The following CTNNA3 variants were observed in gnomAD, a reference collection of about 807,000 sequenced individuals.
CTNNA3 encodes the protein catenin alpha 3.
A neutral mutation model predicts 95.7 loss-of-function variants in CTNNA3; 76 were observed. The ratio of observed to expected loss-of-function variants is 0.79; its 90% CI spans 0.66 to 0.96. CTNNA3 has a LOEUF of 0.96. CTNNA3 is among the 40% of genes least tolerant of loss of function. The pLI is 0.00. For synonymous variants in CTNNA3, 431 were observed against 374.4 expected, an observed-to-expected ratio of 1.15 and a Z score of -1.74; for missense variants, 1,191 against 1,089.8, an observed-to-expected ratio of 1.09 and a Z score of -1.31.
At chr10:66,702,566 C>T (rs1847980884) in intron 9 of CTNNA3, among the ~76,000 whole-genome samples, 1 of 151,650 alleles carries the variant, frequency 6.6e-6, no homozygotes, top group South Asian at 2.1e-4. Context: ...ATTAGCCGGG[C>T]ATGGTGGTGG....
chr10:66,104,886 T>C (rs570659386), intron 13 of CTNNA3, among the ~76,000 whole-genome samples: 99 of 152,318 alleles, frequency 6.5e-4, no homozygotes, highest in Non-Finnish European at 9.9e-4. Flanking sequence ...CTTTCATCCC[T>C]TGGGAGCACT....
At chr10:66,478,152 A>T (rs1203108641) in intron 11 of CTNNA3, among the ~76,000 whole-genome samples, 1 of 152,072 alleles carries the variant, frequency 6.6e-6, no homozygotes, top group Non-Finnish European at 1.5e-5. Context: ...CTATGTTCCA[A>T]TTTGTTGTTT....
At chr10:67,552,465 C>T (rs1300704070) in intron 3 of CTNNA3, among the ~76,000 whole-genome samples, 1 of 151,500 alleles carries the variant, frequency 6.6e-6, no homozygotes, top group East Asian at 2.0e-4. Context: ...TATTCCTCCA[C>T]CAAGATGTGT....
chr10:66,209,333 A>G (rs1387893992), intron 13 of CTNNA3, among the ~76,000 whole-genome samples: 1 of 152,212 alleles, frequency 6.6e-6, no homozygotes, highest in Non-Finnish European at 1.5e-5. Flanking sequence ...AAACAAATAA[A>G]TTAGTAAATG....
chr10:66,551,464 G>A (rs973685930), intron 10 of CTNNA3, among the ~76,000 whole-genome samples: 16 of 152,006 alleles, frequency 1.1e-4, no homozygotes, highest in Non-Finnish European at 2.4e-4. Context: ...ACTGTTTGGG[G>A]TTTGCTGAGC....
In CTNNA3 at chr10:65,923,653, C is replaced by A. The variant is rs563758298; in HGVS notation, c.2401-3036G>T. On this transcript the variant is annotated intron_variant, in intron 17 of 17. Coordinates refer to ENST00000433211, the MANE Select transcript of CTNNA3 (RefSeq NM_013266.4). ...TTCTAATTAAATTGAGAAGGTAGTTCATTCTTTGGATATGAAGAATCATTC... is the reference window on the plus strand; with the variant it reads ...TTCTAATTAAATTGAGAAGGTAGTTAATTCTTTGGATATGAAGAATCATTC... 8.3e-4 allele frequency among the ~76,000 whole-genome samples: 126 copies of A among 152,254 alleles called. 1 individual carries two copies. Among genetic ancestry groups the A allele is most frequent in the African/African-American group, 2.9e-3 (122 of 41,548 alleles).
intron 15 of CTNNA3, among the ~76,000 whole-genome samples, chr10:66,029,367 T>A (rs934895948): frequency 6.7e-6 from 1 of 148,272 alleles, no homozygotes; most frequent in South Asian, 2.3e-4. Context: ...ATCTCTGACC[T>A]CATCTTTTAA....
chr10:65,920,622 A>AG lies in CTNNA3; in HGVS notation c.2401-6dup. On this transcript the variant is annotated splice_polypyrimidine_tract_variant and splice_region_variant and intron_variant, in intron 17 of 17. Coordinates refer to ENST00000433211, the MANE Select transcript of CTNNA3 (RefSeq NM_013266.4). The stretch of plus-strand genomic sequence containing the variant: ...CAGGGATGTGACACTGTCCAACTGT[A>AG]GGGAAAAAAGAGAAAAAAGAGCTAT... 1.2e-6 allele frequency: 2 copies of AG among 1,600,816 alleles called. No homozygotes were observed. The highest frequency in any genetic ancestry group is 2.2e-5 in the South Asian group (2 of 89,706).
At chr10:65,962,557 T>A (rs2133244543) in intron 17 of CTNNA3, among the ~76,000 whole-genome samples, 1 of 152,172 alleles carries the variant, frequency 6.6e-6, no homozygotes, top group South Asian at 2.1e-4. Flanking sequence ...TCTCTTAGAC[T>A]AATTTTTTTT....
chr10:67,581,132 G>C (rs1005619882), intron 3 of CTNNA3, among the ~76,000 whole-genome samples: 1 of 152,122 alleles, frequency 6.6e-6, no homozygotes, highest in Non-Finnish European at 1.5e-5. Context: ...TCCCTGTCTT[G>C]TGCTCGTTTT....
chr10:66,280,768 AT>A, intron 12 of CTNNA3, 147 bp from the exon 13 acceptor site: 1 of 562,018 alleles, frequency 1.8e-6, no homozygotes, highest in Non-Finnish European at 2.9e-6. Context: ...AGATACACAA[AT>A]TTTAGCAGGA....
At chr10:65,928,120 GA>G (rs1465663967) in intron 17 of CTNNA3, among the ~76,000 whole-genome samples, 1 of 152,122 alleles carries the variant, frequency 6.6e-6, no homozygotes, top group Non-Finnish European at 1.5e-5. Flanking sequence ...CTTTCTTCCA[GA>G]TATTTGAAGT....
chr10:66,965,649 G>A (rs1232550539), intron 7 of CTNNA3, among the ~76,000 whole-genome samples: 10 of 150,086 alleles, frequency 6.7e-5, no homozygotes, highest in African/African-American at 1.7e-4. Flanking sequence ...GAACTTCCAC[G>A]TAGAGAAAAC....
At chr10:66,159,753 A>G (rs1564713296) in intron 13 of CTNNA3, among the ~76,000 whole-genome samples, 1 of 150,864 alleles carries the variant, frequency 6.6e-6, no homozygotes, top group Admixed American at 6.6e-5. Flanking sequence ...AGGGATTGGT[A>G]CCAATTCTTC....
At chr10:65,945,866 C>T (rs1000778437) in intron 17 of CTNNA3, among the ~76,000 whole-genome samples, 6 of 152,088 alleles carry the variant, frequency 3.9e-5, no homozygotes, top group Admixed American at 1.3e-4. Flanking sequence ...TTGTGGTTAC[C>T]ATTACTCTTA....
intron 7 of CTNNA3, among the ~76,000 whole-genome samples, chr10:66,951,847 G>C (rs979565707): frequency 2.0e-5 from 3 of 152,264 alleles, no homozygotes; most frequent in Admixed American, 6.5e-5. Flanking sequence ...ATCTCACCTG[G>C]CCTGATTAAG....
chr10:66,187,095 C>A (rs1210152117), intron 13 of CTNNA3, among the ~76,000 whole-genome samples: 1 of 152,088 alleles, frequency 6.6e-6, no homozygotes, highest in South Asian at 2.1e-4. Flanking sequence ...CCTCCAAAAT[C>A]TAATTCCCAA....
At chr10:67,099,633 T>C (rs1204713243) in intron 7 of CTNNA3, 1 of 152,068 alleles carries the variant, frequency 6.6e-6, no homozygotes, top group African/African-American at 2.4e-5. Context: ...ATATATAAAG[T>C]CAGAAAGAAA....
chr10:67,351,258 T>C (rs1842627514), intron 5 of CTNNA3, among the ~76,000 whole-genome samples: 1 of 151,870 alleles, frequency 6.6e-6, no homozygotes, highest in African/African-American at 2.4e-5. Context: ...GGAGGTATAT[T>C]GAAATTGTTC....
Sources: gnomAD v4.1 joint callset for allele counts (sites outside exome capture counted in the v4.1 genomes callset) on GRCh38, gnomAD v4.1.1 for gene constraint, MANE v1.5 for transcripts, NCBI Gene and HGNC (gene_info 2026-07-23, HGNC 2026-07-21) for gene names.